Variants in TRMT1L observed in about 807,000 individuals in gnomAD.
The protein encoded by TRMT1L is tRNA (guanine(27)-N(2))-dimethyltransferase.
Under a neutral mutation model 81.6 loss-of-function variants are expected in TRMT1L, and 28 were observed. The observed-to-expected ratio is 0.34, with a 90% CI of 0.25 to 0.47. The LOEUF (loss-of-function observed/expected upper bound fraction) is 0.47. TRMT1L is among the 20% of genes least tolerant of loss of function. The probability of loss-of-function intolerance (pLI) is 1.00; values close to 1 mark genes in which losing one functional copy is unlikely to be tolerated. For synonymous variants in TRMT1L, 301 were observed against 303.2 expected (o/e 0.99, Z 0.07); for missense variants, 739 against 877.1 (o/e 0.84, Z 1.99).
At chr1:185,137,377 C>G (rs1043481378) in intron 10 of TRMT1L, 2 of 602,164 alleles carry the variant, frequency 3.3e-6, no homozygotes, top group African/African-American at 3.7e-5. Context: ...CTAGATGTTT[C>G]GATAGAAGGC....
At chr1:185,152,114 G>C (rs1041446500) in intron 1 of TRMT1L, among the ~76,000 whole-genome samples, 179 bp from the exon 2 acceptor site, 1 of 152,202 alleles carries the variant, frequency 6.6e-6, no homozygotes, top group Non-Finnish European at 1.5e-5. Flanking sequence ...AAGTTGGGGG[G>C]AGACCCCACT....
At position 185,124,944 on chromosome 1, in the gene TRMT1L, C is replaced by A. The variant is rs1652586184; in HGVS notation, c.1759G>T (p.Glu587Ter). The change falls in exon 12 of 15, where the codon GAA becomes TAA. Residue 587 changes from glutamate (E) to a stop codon, truncating the protein, a stop_gained and splice_region_variant. Transcript: ENST00000367506. LOFTEE classifies it high-confidence loss of function. Reference sequence around the variant, plus strand: ...AGTAAGCTAGCGTTCAGTTAGTCACCTTGCTTGTTGACATTTGAAGATGCA... The same window carrying A: ...AGTAAGCTAGCGTTCAGTTAGTCACATTGCTTGTTGACATTTGAAGATGCA... Reference protein sequence around the residue: ...IHASSNVNKQEENGVFIKTTD... With the variant: ...IHASSNVNKQ 1.9e-6 allele frequency: 3 copies of A among 1,608,744 alleles called. No individual in the cohort carries two copies. Among genetic ancestry groups the A allele is most frequent in the South Asian group, 1.1e-5 (1 of 89,818 alleles).
rs1652415629 is a variant in TRMT1L at position 185,118,463 on chromosome 1, A to G, written c.*1556T>C. 6.6e-6 allele frequency: 1 copy of G among 152,206 alleles called. No individual in the cohort carries two copies. Among genetic ancestry groups the G allele is most frequent in the African/African-American group, 2.4e-5 (1 of 41,466 alleles). 9.4% of individuals were successfully genotyped at this position (152,206 alleles called of 1,614,324 possible). A position where few individuals can be genotyped will look rare whatever the true frequency, so the allele number is the denominator to read the frequency against. Reference sequence around the variant, plus strand: ...GCATTTAGCAAAATTTGAGACTGATATTCAATAATATGTATTAAATCAGAT... The same window carrying G: ...GCATTTAGCAAAATTTGAGACTGATGTTCAATAATATGTATTAAATCAGAT... On this transcript the variant is annotated 3_prime_UTR_variant, in exon 15 of 15. Coordinates refer to ENST00000367506, the MANE Select transcript of TRMT1L (RefSeq NM_030934.5).
At chr1:185,135,972 C>A (rs1464886587) in intron 10 of TRMT1L, among the ~76,000 whole-genome samples, 2 of 152,024 alleles carry the variant, frequency 1.3e-5, no homozygotes, top group African/African-American at 2.4e-5. Context: ...AAGAGAAAAA[C>A]CATATAATCA....
At chr1:185,148,030 A>C (rs945217869) in intron 3 of TRMT1L, among the ~76,000 whole-genome samples, 3 of 152,090 alleles carry the variant, frequency 2.0e-5, no homozygotes, top group African/African-American at 7.2e-5. Context: ...AGTCATCTCT[A>C]ATGCATTTTT....
rs1653267426 is a variant in TRMT1L at position 185,149,148 on chromosome 1, A to C, written c.460+1231T>G. On this transcript the variant is annotated intron_variant, in intron 3 of 14. Coordinates refer to ENST00000367506, the MANE Select transcript of TRMT1L (RefSeq NM_030934.5). Reference sequence around the variant, plus strand: ...CTAAGTTAGCTGGTATATATCTAATATACTCATTTCAATGGCTACATAATA... The same window carrying C: ...CTAAGTTAGCTGGTATATATCTAATCTACTCATTTCAATGGCTACATAATA... Among the ~76,000 whole-genome samples the C allele has an allele frequency of 3.9e-5, 6 of 152,176 alleles. No individual in the cohort carries two copies. The South Asian group carries it at 1.2e-3, about 31-fold the overall frequency.
At chr1:185,156,352 T>G in intron 1 of TRMT1L, 126 bp downstream of exon 1, 1 of 1,604,546 alleles carries the variant, frequency 6.2e-7, no homozygotes, top group Admixed American at 1.7e-5. Context: ...CCCTCTTTCC[T>G]CCCCACCATT....
At chr1:185,144,122 A>G in intron 5 of TRMT1L, 93 bp from the exon 6 acceptor site, 3 of 1,202,428 alleles carry the variant, frequency 2.5e-6, no homozygotes, top group Non-Finnish European at 3.4e-6. Context: ...GTAAACATCT[A>G]AAACAATAAA....
chr1:185,142,939 T>C (rs554279779), intron 7 of TRMT1L, among the ~76,000 whole-genome samples: 2 of 152,178 alleles, frequency 1.3e-5, no homozygotes, highest in African/African-American at 4.8e-5. Context: ...TATGAGATAA[T>C]TGGGCAAACA....
rs147387711 is a variant in TRMT1L at position 185,156,501 on chromosome 1, G to C, written c.212C>G (p.Ser71Cys). 1.5e-4 allele frequency: 246 copies of C among 1,613,800 alleles called. No individual in the cohort carries two copies. The highest frequency in any genetic ancestry group is 9.3e-4 in the Admixed American group (56 of 60,004). ...ACTGCTTTTAGCCTCCTCAGGGGCA[G>C]AGGCTAGGGACGGGGACAGGGCCGG... is the stretch of plus-strand genomic sequence containing the variant. ...QAPALSPSLASAPEEAKSKRH... is the reference protein window; with the variant it reads ...QAPALSPSLACAPEEAKSKRH... Residue 71 changes from serine (S) to cysteine (C), a missense_variant, in exon 1 of 15, where the codon TCT (serine) becomes TGT (cysteine). By Grantham distance (112) the Ser-to-Cys change is moderately radical. Coordinates refer to ENST00000367506, the MANE Select transcript of TRMT1L (RefSeq NM_030934.5).
intron 11 of TRMT1L, among the ~76,000 whole-genome samples, chr1:185,127,605 C>T (rs1240021764): frequency 6.6e-6 from 1 of 151,246 alleles, no homozygotes; most frequent in Non-Finnish European, 1.5e-5. Context: ...TAAAAAAATA[C>T]AAAATTAGCT....
intron 10 of TRMT1L, among the ~76,000 whole-genome samples, chr1:185,134,533 T>A (rs1557987280): frequency 6.6e-6 from 1 of 152,252 alleles, no homozygotes; most frequent in African/African-American, 2.4e-5. Flanking sequence ...AAATTCTGAA[T>A]GAGATGACTT....
chr1:185,139,336 C>T (rs1395672259), intron 9 of TRMT1L, 31 bp downstream of exon 9: 2 of 1,564,730 alleles, frequency 1.3e-6, no homozygotes, highest in Non-Finnish European at 1.8e-6. Context: ...AATACTGAAA[C>T]ACACTAAGTA....
At chr1:185,126,218 A>C (rs1282017350) in intron 11 of TRMT1L, among the ~76,000 whole-genome samples, 2 of 152,302 alleles carry the variant, frequency 1.3e-5, no homozygotes, top group East Asian at 1.9e-4. Context: ...GATGTCTGCA[A>C]CTGTGCTGGG....
In TRMT1L at chr1:185,151,807, AC is replaced by A. The variant is rs748619497; in HGVS notation, c.346+17del. The A allele has an allele frequency of 1.3e-6, 2 of 1,510,678 alleles. No homozygotes were observed. The highest frequency in any genetic ancestry group is 2.3e-5 in the East Asian group (1 of 43,020). The allele number at this position is 1,510,678 out of a possible 1,614,324, so 93.6% of individuals were successfully genotyped here. ...TATTAGAAACTAAGAAAAAAAAAAA[AC>A]CCAAACATGGAAATACCTGCATCAA... is the stretch of plus-strand genomic sequence containing the variant. On this transcript the variant is annotated intron_variant, in intron 2 of 14. Transcript: ENST00000367506.
chr1:185,121,714 G>T (rs780913117), intron 13 of TRMT1L, among the ~76,000 whole-genome samples: 1 of 151,954 alleles, frequency 6.6e-6, no homozygotes, highest in Non-Finnish European at 1.5e-5. Flanking sequence ...GATGTAATAC[G>T]TTAATAGTGA....
chr1:185,156,360 AT>A, intron 1 of TRMT1L, 117 bp downstream of exon 1: 1 of 1,608,458 alleles, frequency 6.2e-7, no homozygotes, highest in Non-Finnish European at 8.5e-7. Flanking sequence ...CCTCCCCACC[AT>A]TTTCCTAAAC....
At position 185,140,026 on chromosome 1, in the gene TRMT1L, C is replaced by G; in HGVS notation, c.1056G>C (p.Lys352Asn). The G allele has an allele frequency of 6.2e-7, 1 of 1,613,670 alleles. No individual in the cohort carries two copies. Among genetic ancestry groups the G allele is most frequent in the Non-Finnish European group, 8.5e-7 (1 of 1,179,788 alleles). ...EEGEKNLGNI[K>N]VTKMDANVLM... ...GTACATTGGCATCCATTTTGGTCAC[C>G]TTAATATTACCAAGATTTTTCTCTC... Residue 352 changes from lysine (K) to asparagine (N), a missense_variant, in exon 8 of 15, where the codon AAG becomes AAC. Lys to Asn is a moderately conservative substitution (Grantham distance 94, BLOSUM62 0). This residue lies in a region of TRMT1L where 331 missense variants were observed against 462.2 expected (regional missense o/e 0.72). Transcript: ENST00000367506.
intron 2 of TRMT1L, among the ~76,000 whole-genome samples, 170 bp from the exon 3 acceptor site, chr1:185,150,662 C>T (rs1544051): frequency 1 from 151,911 of 152,368 alleles, 75,729 homozygotes; most frequent in Middle Eastern, 1. Context: ...GTAATTGTTG[C>T]AGCACATGAT....
Sources: gnomAD v4.1 joint callset for allele counts (sites outside exome capture counted in the v4.1 genomes callset) on GRCh38, gnomAD v4.1.1 for gene constraint, gnomAD v4.1.1 regional missense constraint, MANE v1.5 for transcripts, NCBI Gene and HGNC (gene_info 2026-07-23, HGNC 2026-07-21) for gene names.